The following SUGCT variants were observed in gnomAD, a reference collection of about 807,000 sequenced individuals.
SUGCT encodes the protein succinyl-CoA:glutarate-CoA transferase.
In SUGCT, 41 loss-of-function variants were observed where a neutral mutation model predicts 55.0. That is an observed-to-expected ratio of 0.74 (90% confidence interval 0.58 to 0.97). SUGCT has a LOEUF of 0.97. Among genes scored for constraint, SUGCT ranks in the 50% least tolerant of loss-of-function variants. SUGCT has a pLI of 0.00. For missense variants in SUGCT, 568 were observed against 547.8 expected, an observed-to-expected ratio of 1.04 and a Z score of -0.37; for synonymous variants, 187 against 200.4, an observed-to-expected ratio of 0.93 and a Z score of 0.56.
chr7:40,710,228 C>G (rs1168692726), intron 12 of SUGCT, among the ~76,000 whole-genome samples: 2 of 152,204 alleles, frequency 1.3e-5, no homozygotes, highest in African/African-American at 4.8e-5. Flanking sequence ...GGCGGACCAC[C>G]TCTTTCTCTC....
At chr7:40,898,408 A>G in the SUGCT span, among the ~76,000 whole-genome samples, 1 of 140,252 alleles carries the variant, frequency 7.1e-6, no homozygotes, top group African/African-American at 2.7e-5. Context: ...CTCCGGACAC[A>G]TCATCTTTAA....
chr7:40,763,107 C>G (rs1039724438), intron 13 of SUGCT, among the ~76,000 whole-genome samples: 2 of 152,020 alleles, frequency 1.3e-5, no homozygotes, highest in South Asian at 4.2e-4. Context: ...ATGAGCCACC[C>G]CTCCCAGCCA....
chr7:40,782,228 A>G (rs1789788045), intron 13 of SUGCT, among the ~76,000 whole-genome samples: 1 of 152,000 alleles, frequency 6.6e-6, no homozygotes, highest in Non-Finnish European at 1.5e-5. Flanking sequence ...GTGCATTGAG[A>G]ATTAATGCTC....
At chr7:40,966,169 C>A in the SUGCT span, 13 of 152,274 alleles carry the variant, frequency 8.5e-5, no homozygotes, top group African/African-American at 2.6e-4. Context: ...ACCAATAGGA[C>A]CCTGTGGATT....
At chr7:40,600,994 TA>T (rs1313116776) in intron 12 of SUGCT, among the ~76,000 whole-genome samples, 2 of 152,164 alleles carry the variant, frequency 1.3e-5, no homozygotes, top group African/African-American at 4.8e-5. Flanking sequence ...TATAGCAACA[TA>T]AATGGAATAC....
chr7:40,371,827 G>C (rs1033175433), intron 9 of SUGCT, among the ~76,000 whole-genome samples: 4 of 151,980 alleles, frequency 2.6e-5, no homozygotes, highest in African/African-American at 9.7e-5. Flanking sequence ...AGGAAGAAGA[G>C]AATCTTCTGA....
At chr7:40,268,831 G>A (rs538549226) in intron 7 of SUGCT, among the ~76,000 whole-genome samples, 4 of 152,134 alleles carry the variant, frequency 2.6e-5, no homozygotes, top group African/African-American at 9.6e-5. Flanking sequence ...GGGAGATGGG[G>A]TTTCACCATG....
intron 12 of SUGCT, chr7:40,499,201 A>C: frequency 2.3e-6 from 1 of 443,356 alleles, no homozygotes; most frequent in Non-Finnish European, 4.6e-6. Flanking sequence ...CAAGGCCTGG[A>C]ACATGGCGTA....
intron 13 of SUGCT, among the ~76,000 whole-genome samples, chr7:40,783,253 A>G (rs529990980): frequency 9.5e-4 from 145 of 152,184 alleles, no homozygotes; most frequent in Admixed American, 2.2e-3. Flanking sequence ...CTTGCTAGGA[A>G]TTATTTTAGT....
At chr7:40,970,860 A>G in the SUGCT span, among the ~76,000 whole-genome samples, 1 of 152,134 alleles carries the variant, frequency 6.6e-6, no homozygotes. Context: ...AAGTTTAGTG[A>G]GGCCAGCAGG....
In SUGCT at chr7:40,188,434, CAAAAAAAAAAAA is replaced by C. The variant is rs35948652; in HGVS notation, c.227-51_227-40del. 11 of 602,050 alleles carry C rather than the reference CAAAAAAAAAAAA, an allele frequency of 1.8e-5. No individual in the cohort carries two copies. In the African/African-American group the frequency reaches 3.4e-4, roughly 19 times the overall value. The allele number at this position is 602,050 out of a possible 1,614,324, so 37.3% of individuals were successfully genotyped here. ...GGGCAACAGAGCAAGACTCCATCTC[CAAAAAAAAAAAA>C]AAAAAAAAACAAACCCCAAAGATTA... On this transcript the variant is annotated intron_variant, in intron 3 of 13. Coordinates refer to ENST00000335693, the MANE Select transcript of SUGCT (RefSeq NM_001193313.2).
chr7:41,000,363 T>A, the SUGCT span, among the ~76,000 whole-genome samples: 14 of 152,106 alleles, frequency 9.2e-5, 1 homozygote, highest in Middle Eastern at 6.3e-3. Context: ...CGTCCATAAT[T>A]TATCCATATC....
Position 40,137,093 on chromosome 7 carries a change from G to A in SUGCT, c.100+1973G>A, listed in dbSNP as rs28562787. Among the ~76,000 whole-genome samples the A allele has an allele frequency of 3.5e-3, 527 of 152,226 alleles. 3 individuals are homozygous for A. Among genetic ancestry groups the A allele is most frequent in the African/African-American group, 0.012 (496 of 41,534 alleles). On this transcript the variant is annotated intron_variant, in intron 1 of 13. Coordinates refer to ENST00000335693, the MANE Select transcript of SUGCT (RefSeq NM_001193313.2). ...GCCAGTCTACTCAGGGGAGGGGGCA[G>A]AAAAGTGAGAGTGGTGGGGACCAAA...
intron 12 of SUGCT, among the ~76,000 whole-genome samples, chr7:40,509,751 T>A (rs973704231): frequency 2.6e-5 from 4 of 152,264 alleles, no homozygotes; most frequent in African/African-American, 9.6e-5. Flanking sequence ...GTTAATCATG[T>A]TACCACTTGT....
At position 40,228,065 on chromosome 7, in the gene SUGCT, A is replaced by G. The variant is rs189679520; in HGVS notation, c.485-9570A>G. Among the ~76,000 whole-genome samples, 1,113 of 152,052 alleles carry G rather than the reference A, an allele frequency of 7.3e-3. 13 individuals are homozygous for G. The highest frequency in any genetic ancestry group is 0.025 in the African/African-American group (1,057 of 41,476). ...GCCTGGCTAATTTTGTATTTTTAGT[A>G]GAGATGGGGTTTCACCATGTTGGTC... On this transcript the variant is annotated intron_variant, in intron 6 of 13. Transcript: ENST00000335693.
At chr7:40,388,597 G>A (rs1785245788) in intron 9 of SUGCT, among the ~76,000 whole-genome samples, 1 of 152,024 alleles carries the variant, frequency 6.6e-6, no homozygotes, top group African/African-American at 2.4e-5. Context: ...TGCATTTTTA[G>A]TAGAGATGGG....
chr7:40,324,206 T>G (rs1239577046), intron 9 of SUGCT, among the ~76,000 whole-genome samples: 1 of 145,332 alleles, frequency 6.9e-6, no homozygotes, highest in Non-Finnish European at 1.5e-5. Context: ...GTATTATACT[T>G]CATAGGATAA....
chr7:40,308,691 T>C (rs1794967407), intron 8 of SUGCT, among the ~76,000 whole-genome samples: 1 of 152,174 alleles, frequency 6.6e-6, no homozygotes, highest in Non-Finnish European at 1.5e-5. Context: ...TAAAGTCTTC[T>C]AACTGGTTGA....
intron 6 of SUGCT, among the ~76,000 whole-genome samples, chr7:40,229,646 C>A (rs751340810): frequency 1.3e-5 from 2 of 151,592 alleles, no homozygotes; most frequent in Non-Finnish European, 2.9e-5. Flanking sequence ...AACCTCATCT[C>A]TACTAAAAAT....
Sources: gnomAD v4.1 joint callset for allele counts (sites outside exome capture counted in the v4.1 genomes callset) on GRCh38, gnomAD v4.1.1 for gene constraint, MANE v1.5 for transcripts, NCBI Gene and HGNC (gene_info 2026-07-23, HGNC 2026-07-21) for gene names.